NUP205: variants seen among roughly 807,000 people sequenced by gnomAD.
The protein encoded by NUP205 is nucleoporin 205, also known as nuclear pore complex protein Nup205.
NUP205 carries 76 observed loss-of-function variants against 253.8 expected under a neutral mutation model. The observed-to-expected ratio is 0.30, with a 90% CI of 0.25 to 0.36. The LOEUF (loss-of-function observed/expected upper bound fraction) is 0.36. Ranked by LOEUF, NUP205 falls within the 10% of genes least tolerant of loss-of-function variation. The pLI is 1.00. For synonymous variants in NUP205, 832 were observed against 850.1 expected (o/e 0.98, Z 0.37); for missense variants, 2,162 against 2,425.5 (o/e 0.89, Z 2.28).
chr7:135,635,891 C>G (rs568618098), intron 36 of NUP205, among the ~76,000 whole-genome samples: 1 of 152,186 alleles, frequency 6.6e-6, no homozygotes, highest in African/African-American at 2.4e-5. Flanking sequence ...GTTTTTACTC[C>G]TTTTCTTCCA....
chr7:135,617,697 G>A lies in NUP205; in HGVS notation c.3771+15G>A. ...TACTAATGGAGGTAAGCTCTATTGA[G>A]TATGTGTTCGTTTCAAACTTCTAAC... is the stretch of plus-strand genomic sequence containing the variant. On this transcript the variant is annotated intron_variant, in intron 27 of 42. Transcript: ENST00000285968. 1 of 1,528,544 alleles carries A rather than the reference G, an allele frequency of 6.5e-7. No homozygotes were observed. The highest frequency in any genetic ancestry group is 9.0e-7 in the Non-Finnish European group (1 of 1,106,788). The allele number at this position is 1,528,544 out of a possible 1,614,324, so 94.7% of individuals were successfully genotyped here.
chr7:135,624,227 A>T (rs1027528996), intron 31 of NUP205, among the ~76,000 whole-genome samples: 2 of 151,904 alleles, frequency 1.3e-5, no homozygotes, highest in Admixed American at 6.6e-5. Context: ...ATTGAGACAG[A>T]GTCTTGCTCT....
intron 30 of NUP205, among the ~76,000 whole-genome samples, chr7:135,620,240 T>C (rs1328878559): frequency 3.3e-5 from 5 of 152,178 alleles, no homozygotes; most frequent in African/African-American, 1.2e-4. Context: ...GTTGATTCTT[T>C]TAAAATATCT....
At chr7:135,602,187 A>G (rs996563673) in intron 17 of NUP205, among the ~76,000 whole-genome samples, 2 of 152,232 alleles carry the variant, frequency 1.3e-5, no homozygotes, top group African/African-American at 4.8e-5. Flanking sequence ...CATATGAACA[A>G]TAACTGTATA....
In NUP205 at chr7:135,594,620, A is replaced by G; in HGVS notation, c.1904A>G (p.Gln635Arg). 1 of 1,613,894 alleles carries G rather than the reference A, an allele frequency of 6.2e-7. No homozygotes were observed. Among genetic ancestry groups the G allele is most frequent in the Non-Finnish European group, 8.5e-7 (1 of 1,179,886 alleles). Reference protein sequence around the residue: ...TPVVVILGLLQCSIPPVLKAE... With the variant: ...TPVVVILGLLRCSIPPVLKAE... ...GTTGTGGTGATTCTGGGACTCCTCCAATGCAGTATTCCCCCTGTCCTAAAA... is the reference window on the plus strand; with the variant it reads ...GTTGTGGTGATTCTGGGACTCCTCCGATGCAGTATTCCCCCTGTCCTAAAA... The change falls in exon 13 of 43, where the codon CAA (glutamine) becomes CGA (arginine). Residue 635 changes from glutamine (Q) to arginine (R), a missense_variant. Transcript: ENST00000285968.
At chr7:135,629,107 CATT>C (rs1395134131) in intron 34 of NUP205, among the ~76,000 whole-genome samples, 1 of 152,152 alleles carries the variant, frequency 6.6e-6, no homozygotes, top group Non-Finnish European at 1.5e-5. Context: ...TGTGACCAGA[CATT>C]ATAAGCTTAG....
Position 135,588,898 on chromosome 7 carries a change from A to T in NUP205, c.1473+906A>T, listed in dbSNP as rs2129490181. ...TGATGTGCAGAGGCAAATAAAATGAATTGCTATGCAGTAGTTCACACCTGT... is the reference window on the plus strand; with the variant it reads ...TGATGTGCAGAGGCAAATAAAATGATTTGCTATGCAGTAGTTCACACCTGT... On this transcript the variant is annotated intron_variant, in intron 10 of 42. Transcript: ENST00000285968. Among the ~76,000 whole-genome samples, 3 of 151,484 alleles carry T rather than the reference A, an allele frequency of 2.0e-5. 1 individual carries two copies. The highest frequency in any genetic ancestry group is 3.5e-3 in the Middle Eastern group (1 of 286).
chr7:135,614,801 C>A (rs1404923402), intron 23 of NUP205, among the ~76,000 whole-genome samples: 5 of 152,138 alleles, frequency 3.3e-5, no homozygotes, highest in African/African-American at 1.2e-4. Flanking sequence ...TTCTTTTTGA[C>A]CAACTTTTAA....
chr7:135,595,365 A>G (rs954906270), intron 13 of NUP205, among the ~76,000 whole-genome samples: 1 of 152,056 alleles, frequency 6.6e-6, no homozygotes, highest in Non-Finnish European at 1.5e-5. Flanking sequence ...CTGGGATTAC[A>G]GGCTTGCATT....
chr7:135,596,809 T>C (rs1045211369), intron 13 of NUP205, among the ~76,000 whole-genome samples: 1 of 151,182 alleles, frequency 6.6e-6, no homozygotes, highest in African/African-American at 2.4e-5. Flanking sequence ...AAAAAAAAAT[T>C]AGCTGGGCAT....
At position 135,592,947 on chromosome 7, in the gene NUP205, A is replaced by G. The variant is rs1386027624; in HGVS notation, c.1625-40A>G. On this transcript the variant is annotated intron_variant, in intron 11 of 42. Transcript: ENST00000285968. ...TCTCCATTTCCCAGCAAATGCTTAGATGTTTTTTAAATAAAATTCTGTGCT... is the reference window on the plus strand; with the variant it reads ...TCTCCATTTCCCAGCAAATGCTTAGGTGTTTTTTAAATAAAATTCTGTGCT... 6.7e-6 allele frequency: 9 copies of G among 1,350,490 alleles called. No homozygotes were observed. The African/African-American group carries it at 1.3e-4, about 19-fold the overall frequency. 83.7% of individuals were successfully genotyped at this position (1,350,490 alleles called of 1,614,324 possible).
chr7:135,570,604 G>C (rs1805930483), intron 1 of NUP205, among the ~76,000 whole-genome samples: 1 of 142,822 alleles, frequency 7.0e-6, no homozygotes, highest in African/African-American at 2.6e-5. Flanking sequence ...TTTTATATTA[G>C]TGTCTCTTAA....
chr7:135,622,587 T>C (rs1413052373), intron 30 of NUP205, among the ~76,000 whole-genome samples, 190 bp from the exon 31 acceptor site: 1 of 152,068 alleles, frequency 6.6e-6, no homozygotes, highest in African/African-American at 2.4e-5. Context: ...AATAGGTGCA[T>C]TGTGTTATTA....
rs140822408 is a variant in NUP205 at position 135,601,052 on chromosome 7, A to G, written c.2374+83A>G. 2.1e-4 allele frequency: 141 copies of G among 675,498 alleles called. No individual in the cohort carries two copies. In the African/African-American group the frequency reaches 2.4e-3, roughly 11 times the overall value. 41.8% of individuals were successfully genotyped at this position (675,498 alleles called of 1,614,324 possible). On this transcript the variant is annotated intron_variant, in intron 16 of 42. Coordinates refer to ENST00000285968, the MANE Select transcript of NUP205 (RefSeq NM_015135.3). ...TGGCTATGTTATATATAAATTAAAA[A>G]TTATACTTTTAAATTAGAATTTAAT... is the stretch of plus-strand genomic sequence containing the variant.
chr7:135,588,140 T>G (rs1262019549), intron 10 of NUP205, 148 bp downstream of exon 10: 1 of 553,174 alleles, frequency 1.8e-6, no homozygotes, highest in Non-Finnish European at 2.8e-6. Context: ...TAAATTTTAT[T>G]TATTTATTTA....
At chr7:135,644,846 A>G (rs1794977079) in intron 39 of NUP205, 49 bp from the exon 40 acceptor site, 3 of 1,586,754 alleles carry the variant, frequency 1.9e-6, no homozygotes, top group Admixed American at 1.8e-5. Context: ...TTTCATTAAA[A>G]ATTTCATTCC....
chr7:135,640,818 A>G (rs2129492540), intron 38 of NUP205, among the ~76,000 whole-genome samples: 1 of 152,342 alleles, frequency 6.6e-6, no homozygotes, highest in African/African-American at 2.4e-5. Flanking sequence ...TATTTTATAG[A>G]GTAAAATAGT....
intron 20 of NUP205, among the ~76,000 whole-genome samples, chr7:135,606,488 A>G (rs1794088704): frequency 6.6e-6 from 1 of 152,226 alleles, no homozygotes; most frequent in East Asian, 1.9e-4. Context: ...ATCAACCTGT[A>G]TAATGCAAAT....
At chr7:135,620,174 A>G (rs1794446383) in intron 30 of NUP205, among the ~76,000 whole-genome samples, 2 of 152,228 alleles carry the variant, frequency 1.3e-5, no homozygotes, top group Non-Finnish European at 2.9e-5. Flanking sequence ...AGTGTGCTCT[A>G]CATAGAATGG....
Sources: allele counts gnomAD v4.1 joint callset (sites outside exome capture counted in the v4.1 genomes callset), GRCh38; gene constraint gnomAD v4.1.1; transcripts MANE v1.5; gene names NCBI Gene and HGNC (gene_info 2026-07-23, HGNC 2026-07-21).